The following DLGAP1 variants were observed in gnomAD, a reference collection of about 807,000 sequenced individuals.
DLGAP1 encodes the protein disks large-associated protein 1.
A neutral mutation model predicts 90.8 loss-of-function variants in DLGAP1; 11 were observed. That is an observed-to-expected ratio of 0.12 (90% CI 0.08 to 0.20). The LOEUF is 0.20. Ranked by LOEUF, DLGAP1 falls within the 10% of genes least tolerant of loss-of-function variation. The pLI, the probability that DLGAP1 is intolerant of heterozygous loss-of-function variation, is 1.00. For missense variants in DLGAP1, 1,050 were observed against 1,333.8 expected (o/e 0.79, Z 3.31); for synonymous variants, 558 against 540.7 (o/e 1.03, Z -0.44).
chr18:4,256,154 T>A (rs1598738692), intron 1 of DLGAP1, among the ~76,000 whole-genome samples: 1 of 152,142 alleles, frequency 6.6e-6, no homozygotes, highest in East Asian at 1.9e-4. Context: ...TCAAAAGCAA[T>A]ACTATATAAT....
Position 4,341,820 on chromosome 18 carries a change from C to T in DLGAP1, c.-267+113186G>A, listed in dbSNP as rs145011800. On this transcript the variant is annotated intron_variant, in intron 1 of 12. Transcript: ENST00000315677. ...CTCTTACTTGGAAGAATGTTTTGTTCTCAAAGAGTCTTTGAAAGAATAGTG... is the reference window on the plus strand; with the variant it reads ...CTCTTACTTGGAAGAATGTTTTGTTTTCAAAGAGTCTTTGAAAGAATAGTG... Among the ~76,000 whole-genome samples, 9 of 152,170 alleles carry T rather than the reference C, an allele frequency of 5.9e-5. No individual in the cohort carries two copies. The East Asian group carries it at 1.4e-3, about 23-fold the overall frequency.
At chr18:3,876,166 T>C (rs1407492481) in intron 4 of DLGAP1, among the ~76,000 whole-genome samples, 8 of 152,064 alleles carry the variant, frequency 5.3e-5, no homozygotes, top group Admixed American at 5.2e-4. Flanking sequence ...TCAGCAGAGC[T>C]TGCACGGGGT....
In DLGAP1 at chr18:4,382,118, A is replaced by G. The variant is rs138739189; in HGVS notation, c.-267+72888T>C. On this transcript the variant is annotated intron_variant, in intron 1 of 12. Transcript: ENST00000315677. ...GGAATTATGGGAATTACAATACAAG[A>G]TGAGATTTGGGTGGGAACACAGCCA... 5.1e-4 allele frequency among the ~76,000 whole-genome samples: 78 copies of G among 152,218 alleles called. 1 individual carries two copies. The East Asian group carries it at 0.015, about 29-fold the overall frequency.
chr18:4,058,241 TTC>T (rs2075250302), intron 2 of DLGAP1, among the ~76,000 whole-genome samples: 1 of 152,204 alleles, frequency 6.6e-6, no homozygotes, highest in Admixed American at 6.5e-5. Flanking sequence ...AATCTGTCTC[TTC>T]TCTGTTTTAA....
intron 1 of DLGAP1, among the ~76,000 whole-genome samples, chr18:4,427,894 GCTCA>G (rs1477763667): frequency 3.9e-5 from 6 of 152,306 alleles, no homozygotes; most frequent in South Asian, 2.1e-4. Flanking sequence ...TTGTGTCAAT[GCTCA>G]CTGTGTTATT....
chr18:4,353,647 A>G (rs1367984176), intron 1 of DLGAP1, among the ~76,000 whole-genome samples: 1 of 151,892 alleles, frequency 6.6e-6, no homozygotes, highest in Non-Finnish European at 1.5e-5. Flanking sequence ...TAAAACCGTG[A>G]AACTAGTGTA....
Position 3,742,479 on chromosome 18 carries a change from GA to G in DLGAP1, c.1205del (p.Ile402ThrfsTer7). ...ISNEHSPKLQ[I>X]RSHSYLRAVS... ...CTGCCCTCAGGTAACTATGACTCCG[GA>G]TCTGGAGTTTGGGTGAGTGTTCATT... On this transcript the variant is annotated frameshift_variant, in exon 6 of 13. Coordinates refer to ENST00000315677, the MANE Select transcript of DLGAP1 (RefSeq NM_004746.4). LOFTEE classifies it high-confidence loss of function. 6.2e-7 allele frequency: 1 copy of G among 1,614,220 alleles called. No homozygotes were observed. Among genetic ancestry groups the G allele is most frequent in the Non-Finnish European group, 8.5e-7 (1 of 1,180,046 alleles).
At chr18:4,164,426 A>T (rs1242899407) in intron 1 of DLGAP1, among the ~76,000 whole-genome samples, 3 of 152,198 alleles carry the variant, frequency 2.0e-5, no homozygotes, top group African/African-American at 7.2e-5. Context: ...CACGCCTGTA[A>T]TCCCAGCACT....
At chr18:4,453,540 T>G (rs898543185) in intron 1 of DLGAP1, among the ~76,000 whole-genome samples, 1 of 152,184 alleles carries the variant, frequency 6.6e-6, no homozygotes, top group African/African-American at 2.4e-5. Flanking sequence ...GTCAAAGGGC[T>G]GTTCTTTTTA....
intron 8 of DLGAP1, among the ~76,000 whole-genome samples, chr18:3,576,602 T>C (rs1391861257): frequency 6.6e-6 from 1 of 150,420 alleles, no homozygotes; most frequent in African/African-American, 2.5e-5. Context: ...TTCGCTCTTG[T>C]TGCCCAGGCT....
At chr18:4,041,420 T>C (rs2074973020) in intron 2 of DLGAP1, among the ~76,000 whole-genome samples, 2 of 152,236 alleles carry the variant, frequency 1.3e-5, no homozygotes, top group African/African-American at 2.4e-5. Flanking sequence ...ATTTGCAACA[T>C]CAATATGTGA....
At position 4,341,149 on chromosome 18, in the gene DLGAP1, C is replaced by T. The variant is rs577620657; in HGVS notation, c.-267+113857G>A. Reference sequence around the variant, plus strand: ...AATTCACACTAAGAACTATGAATGACGGCTATTTTATCTATCTGCTTTAAG... The same window carrying T: ...AATTCACACTAAGAACTATGAATGATGGCTATTTTATCTATCTGCTTTAAG... On this transcript the variant is annotated intron_variant, in intron 1 of 12. Coordinates refer to ENST00000315677, the MANE Select transcript of DLGAP1 (RefSeq NM_004746.4). 6.7e-4 allele frequency among the ~76,000 whole-genome samples: 102 copies of T among 151,736 alleles called. 1 individual carries two copies. In the South Asian group the frequency reaches 0.011, roughly 16 times the overall value.
intron 7 of DLGAP1, among the ~76,000 whole-genome samples, chr18:3,642,993 T>C (rs2058992159): frequency 6.6e-6 from 1 of 152,220 alleles, no homozygotes; most frequent in African/African-American, 2.4e-5. Context: ...TAGACTCAAG[T>C]TATTCATTGT....
At chr18:3,850,947 C>G (rs75050782) in intron 4 of DLGAP1, among the ~76,000 whole-genome samples, 1,858 of 152,200 alleles carry the variant, frequency 0.012, 43 homozygotes, top group African/African-American at 0.042. Flanking sequence ...TTCACAGGAG[C>G]TGAATTTTCT....
At chr18:4,164,429 C>T (rs1021769453) in intron 1 of DLGAP1, among the ~76,000 whole-genome samples, 1 of 152,132 alleles carries the variant, frequency 6.6e-6, no homozygotes, top group Non-Finnish European at 1.5e-5. Context: ...GCCTGTAATC[C>T]CAGCACTTTG....
At chr18:4,325,479 T>C (rs530365360) in intron 1 of DLGAP1, among the ~76,000 whole-genome samples, 5 of 151,974 alleles carry the variant, frequency 3.3e-5, no homozygotes, top group South Asian at 2.1e-4. Flanking sequence ...AAACTACCAA[T>C]GACATTCTTC....
In DLGAP1 at chr18:3,727,977, T is replaced by C. The variant is rs577366522; in HGVS notation, c.1591+1158A>G. 3.3e-5 allele frequency: 5 copies of C among 152,252 alleles called. No homozygotes were observed. The South Asian group carries it at 1.0e-3, about 32-fold the overall frequency. 9.4% of individuals were successfully genotyped at this position (152,252 alleles called of 1,614,324 possible). ...ATGAACTCCTCTTGTTTAACCCATATATTTATTTTAAATAAAATTATCACC... is the reference window on the plus strand; with the variant it reads ...ATGAACTCCTCTTGTTTAACCCATACATTTATTTTAAATAAAATTATCACC... On this transcript the variant is annotated intron_variant, in intron 7 of 12. Coordinates refer to ENST00000315677, the MANE Select transcript of DLGAP1 (RefSeq NM_004746.4). This position sits in a 1 kb window ranked among gnomAD's most constrained non-coding sequence, Gnocchi z 4.7.
intron 3 of DLGAP1, among the ~76,000 whole-genome samples, chr18:3,947,710 A>G (rs963319585): frequency 1.3e-5 from 2 of 152,208 alleles, no homozygotes; most frequent in African/African-American, 4.8e-5. Context: ...CCCCCTGCAG[A>G]AAAGAACTTG....
intron 3 of DLGAP1, chr18:3,891,821 A>C (rs2071467704): frequency 6.6e-6 from 1 of 152,046 alleles, no homozygotes; most frequent in African/African-American, 2.4e-5. Context: ...CCAGGATTAT[A>C]GCTCACTGTA....
Sources: gnomAD v4.1 joint callset for allele counts (sites outside exome capture counted in the v4.1 genomes callset) on GRCh38, gnomAD v4.1.1 for gene constraint, Gnocchi (gnomAD v3.1) non-coding constraint, MANE v1.5 for transcripts, NCBI Gene and HGNC (gene_info 2026-07-23, HGNC 2026-07-21) for gene names.